Variants in OTOP3 observed in about 807,000 individuals in gnomAD.
The protein encoded by OTOP3 is proton channel OTOP3.
In OTOP3, 41 loss-of-function variants were observed where a neutral mutation model predicts 50.8. That is an observed-to-expected ratio of 0.81 (90% CI 0.63 to 1.05). The LOEUF (loss-of-function observed/expected upper bound fraction) is 1.05, where lower values mean the gene tolerates loss of function less well. Among genes scored for constraint, OTOP3 ranks in the 50% least tolerant of loss-of-function variants. OTOP3 has a pLI of 0.00. For synonymous variants in OTOP3, 320 were observed against 324.4 expected, an observed-to-expected ratio of 0.99 and a Z score of 0.14; for missense variants, 788 against 760.8, an observed-to-expected ratio of 1.04 and a Z score of -0.42.
At chr17:74,938,560 T>A (rs937970744) in intron 1 of OTOP3, among the ~76,000 whole-genome samples, 2 of 152,032 alleles carry the variant, frequency 1.3e-5, no homozygotes, top group African/African-American at 2.4e-5. Flanking sequence ...TTCCAGGAAG[T>A]GCAGCAAGAT....
At position 74,949,261 on chromosome 17, in the gene OTOP3, G is replaced by T; in HGVS notation, c.1582G>T (p.Ala528Ser). 1 of 1,614,024 alleles carries T rather than the reference G, an allele frequency of 6.2e-7. No homozygotes were observed. Among genetic ancestry groups the T allele is most frequent in the Non-Finnish European group, 8.5e-7 (1 of 1,179,974 alleles). ...LCNITLWMMP[A>S]FGIHPEFENG... Reference sequence around the variant, plus strand: ...TCTTCCCCAGCTGTGGATGATGCCTGCATTTGGCATACACCCGGAGTTTGA... The same window carrying T: ...TCTTCCCCAGCTGTGGATGATGCCTTCATTTGGCATACACCCGGAGTTTGA... Residue 528 changes from alanine (A) to serine (S), a missense_variant, in exon 7 of 7, where the codon GCA (alanine) becomes TCA (serine). Ala to Ser is a moderately conservative substitution (Grantham distance 99). Transcript: ENST00000328801.
At chr17:74,936,919 A>G (rs2039121991) in intron 1 of OTOP3, among the ~76,000 whole-genome samples, 1 of 144,352 alleles carries the variant, frequency 6.9e-6, no homozygotes, top group African/African-American at 2.6e-5. Flanking sequence ...AAATCATGTC[A>G]TTCTGACAAA....
At position 74,940,218 on chromosome 17, in the gene OTOP3, G is replaced by A. The variant is rs149919040; in HGVS notation, c.20-1175G>A. On this transcript the variant is annotated intron_variant, in intron 1 of 6. Transcript: ENST00000328801. ...GATGGTGTCTTCCTATGTTAGCCAG[G>A]CTGGTCTTGAATGCCTGGGCTCAAG... 3.2e-4 allele frequency among the ~76,000 whole-genome samples: 47 copies of A among 145,456 alleles called. 1 individual carries two copies. Among genetic ancestry groups the A allele is most frequent in the Middle Eastern group, 3.8e-3 (1 of 266 alleles).
At chr17:74,937,849 G>A (rs1268421247) in intron 1 of OTOP3, among the ~76,000 whole-genome samples, 8 of 152,178 alleles carry the variant, frequency 5.3e-5, no homozygotes, top group South Asian at 2.1e-4. Context: ...TCAATAGAGG[G>A]GAGTGGCCCC....
intron 1 of OTOP3, among the ~76,000 whole-genome samples, chr17:74,940,708 G>A (rs1306263701): frequency 2.6e-5 from 4 of 152,114 alleles, no homozygotes; most frequent in South Asian, 2.1e-4. Flanking sequence ...GTTTCATCCC[G>A]AAACCATCCC....
intron 5 of OTOP3, among the ~76,000 whole-genome samples, chr17:74,945,016 T>C (rs2039212149): frequency 6.6e-6 from 1 of 152,104 alleles, no homozygotes; most frequent in Non-Finnish European, 1.5e-5. Context: ...GGTGAAATCA[T>C]AGCTCACTAC....
chr17:74,937,300 A>G (rs1172281979), intron 1 of OTOP3, among the ~76,000 whole-genome samples: 4 of 152,132 alleles, frequency 2.6e-5, no homozygotes, highest in Non-Finnish European at 5.9e-5. Flanking sequence ...TCTACTATGC[A>G]CCAGCTACTA....
intron 1 of OTOP3, among the ~76,000 whole-genome samples, chr17:74,938,960 G>T (rs1434425536): frequency 1.3e-5 from 2 of 151,382 alleles, no homozygotes; most frequent in Non-Finnish European, 2.9e-5. Flanking sequence ...TCGAGGCGAG[G>T]AGTTCAAGAC....
At chr17:74,942,145 C>A in intron 3 of OTOP3, 108 bp downstream of exon 3, 1 of 1,372,522 alleles carries the variant, frequency 7.3e-7, no homozygotes, top group Non-Finnish European at 9.8e-7. Flanking sequence ...CAGGCAAATA[C>A]CTAATGTCCC....
intron 3 of OTOP3, among the ~76,000 whole-genome samples, chr17:74,942,655 G>A (rs1287730900): frequency 6.7e-6 from 1 of 149,742 alleles, no homozygotes. Flanking sequence ...CAATCGGCCA[G>A]GCGCGGTGGC....
chr17:74,941,944 C>A lies in OTOP3; in HGVS notation c.480C>A (p.Ile160=), dbSNP rs2039180470. 6 of 1,613,132 alleles carry A rather than the reference C, an allele frequency of 3.7e-6. No homozygotes were observed. The East Asian group carries it at 1.1e-4, about 30-fold the overall frequency. Residue 160 remains isoleucine (I), a synonymous_variant, in exon 3 of 7, where the codon ATC becomes ATA. Transcript: ENST00000328801. ...GCAGCTGCACCTTCTGCCTCAACAT[C>A]TTCCGAGTGGGCTACGATGTGAGCC... ...LFGSCTFCLN[I]FRVGYDVSHI...
chr17:74,943,757 GAA>G (rs775577912), intron 5 of OTOP3, 33 bp downstream of exon 5: 6 of 1,293,660 alleles, frequency 4.6e-6, no homozygotes, highest in Non-Finnish European at 6.5e-6. Context: ...TCCTTGCCCT[GAA>G]ACACACACAC....
Position 74,947,556 on chromosome 17 carries a change from A to T in OTOP3, c.1566+81A>T, listed in dbSNP as rs548040199. On this transcript the variant is annotated intron_variant, in intron 6 of 6. Transcript: ENST00000328801. ...AGCCTCACTCAGGAAGGGATGGATC[A>T]AGGACACATCTTTTTCCAACTAGCT... The T allele has an allele frequency of 4.6e-4, 593 of 1,301,418 alleles. 3 individuals carry two copies. In the African/African-American group the frequency reaches 8.1e-3, roughly 18 times the overall value. The allele number at this position is 1,301,418 out of a possible 1,614,324, so 80.6% of individuals were successfully genotyped here.
intron 1 of OTOP3, among the ~76,000 whole-genome samples, chr17:74,937,724 T>G (rs903812027): frequency 6.6e-6 from 1 of 152,178 alleles, no homozygotes; most frequent in African/African-American, 2.4e-5. Flanking sequence ...GAATGTCACA[T>G]CTGCACTAGG....
Position 74,941,400 on chromosome 17 carries a change from T to TG in OTOP3, c.28dup (p.Glu10GlyfsTer14). 9 of 1,506,548 alleles carry TG rather than the reference T, an allele frequency of 6.0e-6. No homozygotes were observed. Among genetic ancestry groups the TG allele is most frequent in the Non-Finnish European group, 7.1e-6 (8 of 1,126,614 alleles). The allele number at this position is 1,506,548 out of a possible 1,614,324, so 93.3% of individuals were successfully genotyped here. On this transcript the variant is annotated frameshift_variant, in exon 2 of 7. Transcript: ENST00000328801. LOFTEE classifies it high-confidence loss of function. ...CCCTTTCTCCATCTCCAGCCCCTGC[T>TG]GAGGCTACACCCATGCCTTCTTCAG... is the stretch of plus-strand genomic sequence containing the variant.
In OTOP3 at chr17:74,941,411, C is replaced by G. The variant is rs768782476; in HGVS notation, c.38C>G (p.Pro13Arg). The change falls in exon 2 of 7, where the codon CCC (proline) becomes CGC (arginine). Residue 13 changes from proline to arginine, a missense_variant. Transcript: ENST00000328801. ...TCTCCAGCCCCTGCTGAGGCTACACCCATGCCTTCTTCAGAAGCACAGGAG... is the reference window on the plus strand; with the variant it reads ...TCTCCAGCCCCTGCTGAGGCTACACGCATGCCTTCTTCAGAAGCACAGGAG... ...LPASAPAEAT[P>R]MPSSEAQETE... 32 of 1,545,284 alleles carry G rather than the reference C, an allele frequency of 2.1e-5. No individual in the cohort carries two copies. The highest frequency in any genetic ancestry group is 2.8e-5 in the Non-Finnish European group (32 of 1,145,354).
In OTOP3 at chr17:74,947,040, C is replaced by T. The variant is rs1375321219; in HGVS notation, c.1131C>T (p.Ala377=). ...TMSLACLAGT[A]IHGLEERELD... ...GTCTGGCGTGCCTGGCGGGCACAGC[C>T]ATACACGGGCTGGAGGAGAGAGAGC... The change falls in exon 6 of 7, where the codon GCC becomes GCT. Residue 377 remains alanine (A), a synonymous_variant. Coordinates refer to ENST00000328801, the MANE Select transcript of OTOP3 (RefSeq NM_001272005.2). 6.2e-7 allele frequency: 1 copy of T among 1,614,062 alleles called. No individual in the cohort carries two copies. The highest frequency in any genetic ancestry group is 8.5e-7 in the Non-Finnish European group (1 of 1,180,042).
chr17:74,937,339 T>C (rs73997571), intron 1 of OTOP3, among the ~76,000 whole-genome samples: 2,956 of 152,276 alleles, frequency 0.019, 103 homozygotes, highest in African/African-American at 0.067. Flanking sequence ...GTTTTGCAGA[T>C]GACAACACTC....
chr17:74,938,045 T>G (rs2039135889), intron 1 of OTOP3, among the ~76,000 whole-genome samples: 1 of 152,034 alleles, frequency 6.6e-6, no homozygotes, highest in Admixed American at 6.5e-5. Context: ...GCAGGTGCCT[T>G]GAGTACGGCA....
Sources: allele counts gnomAD v4.1 joint callset (sites outside exome capture counted in the v4.1 genomes callset), GRCh38; gene constraint gnomAD v4.1.1; transcripts MANE v1.5; gene names NCBI Gene and HGNC (gene_info 2026-07-23, HGNC 2026-07-21).